OVOL3: variants seen among roughly 807,000 people sequenced by gnomAD.
OVOL3 encodes the protein ovo like zinc finger 3, also known as putative transcription factor ovo-like protein 3.
OVOL3 carries 15 observed loss-of-function variants against 13.6 expected under a neutral mutation model. The observed-to-expected ratio is 1.11, with a 90% CI of 0.74 to 1.70. The LOEUF is 1.70. Ranked by LOEUF, OVOL3 falls within the 40% of genes most tolerant of loss-of-function variation. OVOL3 has a pLI of 0.00. For synonymous variants in OVOL3, 102 were observed against 108.5 expected (o/e 0.94, Z 0.37); for missense variants, 290 against 280.6 (o/e 1.03, Z -0.24).
In OVOL3 at chr19:36,112,915, G is replaced by C. The variant is rs1973858784; in HGVS notation, c.315G>C (p.Lys105Asn). Residue 105 changes from lysine (K) to asparagine (N), a missense_variant, in exon 3 of 4, where the codon AAG becomes AAC. Coordinates refer to ENST00000633214, the MANE Select transcript of OVOL3 (RefSeq NM_001302757.2). ...VRRHLCRCCG[K>N]GFHDAFDLKR... ...GCCACCTGTGCCGCTGTTGTGGCAA[G>C]GGCTTTCATGACGCCTTCGATCTCA... The C allele has an allele frequency of 6.5e-7, 1 of 1,536,278 alleles. No homozygotes were observed. Among genetic ancestry groups the C allele is most frequent in the Non-Finnish European group, 8.7e-7 (1 of 1,146,956 alleles).
At chr19:36,112,617 G>A (rs1949056379) in intron 2 of OVOL3, 143 bp from the exon 3 acceptor site, 2 of 697,044 alleles carry the variant, frequency 2.9e-6, no homozygotes, top group Non-Finnish European at 4.7e-6. Flanking sequence ...GAGAGTGACA[G>A]GCACACACAC....
At chr19:36,111,561 C>T (rs951802745) in intron 2 of OVOL3, 128 bp downstream of exon 2, 3 of 915,914 alleles carry the variant, frequency 3.3e-6, no homozygotes, top group South Asian at 2.8e-5. Context: ...ACCTGTCCGC[C>T]CCTACTTCTC....
Position 36,111,433 on chromosome 19 carries a change from G to A in OVOL3, c.159G>A (p.Ala53=), listed in dbSNP as rs1040104859. ...QSSSVRDPWT[A]QPTQGNLTSA... ...CCAGTGTCAGGGATCCGTGGACAGC[G>A]GTGAGTGTGTAACTGGCTAGCAAAG... The change falls in exon 2 of 4, where the codon GCG becomes GCA. Residue 53 remains alanine, a splice_region_variant and synonymous_variant. Transcript: ENST00000633214. The A allele has an allele frequency of 3.4e-5, 52 of 1,535,802 alleles. No homozygotes were observed. Among genetic ancestry groups the A allele is most frequent in the Non-Finnish European group, 4.1e-5 (47 of 1,146,810 alleles).
chr19:36,111,331 G>A (rs1428751072), intron 1 of OVOL3, 35 bp downstream of exon 1: 3 of 1,535,616 alleles, frequency 2.0e-6, no homozygotes, highest in East Asian at 4.9e-5. Context: ...GTAAGGGGCA[G>A]GAGAGACGCA....
chr19:36,112,879 C>T lies in OVOL3; in HGVS notation c.279C>T (p.Ser93=). 6.5e-7 allele frequency: 1 copy of T among 1,536,164 alleles called. No individual in the cohort carries two copies. The highest frequency in any genetic ancestry group is 8.7e-7 in the Non-Finnish European group (1 of 1,146,928). ...TGACAAGGCACCTCAAGTGCCACAG[C>T]CCCGTGCGCCGCCACCTGTGCCGCT... is the stretch of plus-strand genomic sequence containing the variant. The part of the protein sequence containing the change: ...RMLTRHLKCH[S]PVRRHLCRCC... Residue 93 remains serine, a synonymous_variant, in exon 3 of 4, where the codon AGC becomes AGT. Coordinates refer to ENST00000633214, the MANE Select transcript of OVOL3 (RefSeq NM_001302757.2).
intron 3 of OVOL3, 121 bp downstream of exon 3, chr19:36,113,085 G>A: frequency 8.9e-7 from 1 of 1,127,450 alleles, no homozygotes; most frequent in Non-Finnish European, 1.2e-6. Flanking sequence ...GGAGAATCAA[G>A]ACATGATGTC....
rs1482242823 is a variant in OVOL3 at position 36,113,500 on chromosome 19, C to T, written c.412C>T (p.Arg138Cys). The change falls in exon 4 of 4, where the codon CGC (arginine) becomes TGC (cysteine). Residue 138 changes from arginine (R) to cysteine (C), a missense_variant. By Grantham distance (180) the Arg-to-Cys change is radical. Coordinates refer to ENST00000633214, the MANE Select transcript of OVOL3 (RefSeq NM_001302757.2). Reference sequence around the variant, plus strand: ...TGCTTGCGGGAAAGCGTTTACGCAGCGCTGCTCCCTGGAAGCTCACCTTGC... The same window carrying T: ...TGCTTGCGGGAAAGCGTTTACGCAGTGCTGCTCCCTGGAAGCTCACCTTGC... Reference protein sequence around the residue: ...CSACGKAFTQRCSLEAHLAKV... With the variant: ...CSACGKAFTQCCSLEAHLAKV... 2.6e-6 allele frequency: 4 copies of T among 1,536,024 alleles called. No individual in the cohort carries two copies. The highest frequency in any genetic ancestry group is 1.2e-5 in the South Asian group (1 of 84,070).
chr19:36,113,630 C>A lies in OVOL3; in HGVS notation c.542C>A (p.Ala181Glu). Residue 181 changes from alanine to glutamate, a missense_variant, in exon 4 of 4, where the codon GCA becomes GAA. By Grantham distance (107) the Ala-to-Glu change is moderately radical. Coordinates refer to ENST00000633214, the MANE Select transcript of OVOL3 (RefSeq NM_001302757.2). ...ACCAGCTCCCGGCCCGACACCTACG[C>A]ACAGCACCGCGCCCTGCACCGCGCA... ...GFTSSRPDTY[A>E]QHRALHRAA The A allele has an allele frequency of 6.5e-7, 1 of 1,546,484 alleles. No homozygotes were observed. The highest frequency in any genetic ancestry group is 8.7e-7 in the Non-Finnish European group (1 of 1,146,872).
In OVOL3 at chr19:36,113,640, C is replaced by T; in HGVS notation, c.552C>T (p.Arg184=). The change falls in exon 4 of 4, where the codon CGC becomes CGT. Residue 184 remains arginine, a synonymous_variant. Transcript: ENST00000633214. Reference sequence around the variant, plus strand: ...GGCCCGACACCTACGCACAGCACCGCGCCCTGCACCGCGCAGCCTGATACG... The same window carrying T: ...GGCCCGACACCTACGCACAGCACCGTGCCCTGCACCGCGCAGCCTGATACG... ...SSRPDTYAQH[R]ALHRAA The T allele has an allele frequency of 6.5e-7, 1 of 1,547,664 alleles. No individual in the cohort carries two copies. The highest frequency in any genetic ancestry group is 8.7e-7 in the Non-Finnish European group (1 of 1,146,542).
chr19:36,112,839 C>T lies in OVOL3; in HGVS notation c.239C>T (p.Pro80Leu). The change falls in exon 3 of 4, where the codon CCT (proline) becomes CTT (leucine). Residue 80 changes from proline to leucine, a missense_variant. Coordinates refer to ENST00000633214, the MANE Select transcript of OVOL3 (RefSeq NM_001302757.2). ...LGCPLCPKAF[P>L]LQRMLTRHLK... ...TGCCCGCTCTGCCCTAAGGCCTTCC[C>T]TCTGCAGCGCATGCTGACAAGGCAC... 1 of 1,536,044 alleles carries T rather than the reference C, an allele frequency of 6.5e-7. No individual in the cohort carries two copies. The highest frequency in any genetic ancestry group is 8.7e-7 in the Non-Finnish European group (1 of 1,146,912).
chr19:36,113,326 G>T (rs879671137), intron 3 of OVOL3, 127 bp from the exon 4 acceptor site: 4 of 982,710 alleles, frequency 4.1e-6, no homozygotes, highest in South Asian at 1.5e-5. Flanking sequence ...GGTCATGGGC[G>T]GAAGAGTCTG....
Position 36,111,349 on chromosome 19 carries a change from C to T in OVOL3, c.95-20C>T. ...AGGGGCAGGAGAGACGCAGTGTCAC[C>T]ATCTGGCTTTTCTCCTCAGACTGCA... On this transcript the variant is annotated intron_variant, in intron 1 of 3. Coordinates refer to ENST00000633214, the MANE Select transcript of OVOL3 (RefSeq NM_001302757.2). The T allele has an allele frequency of 3.9e-6, 6 of 1,535,600 alleles. No individual in the cohort carries two copies. Among genetic ancestry groups the T allele is most frequent in the Non-Finnish European group, 5.2e-6 (6 of 1,146,586 alleles).
rs1379415145 is a variant in OVOL3 at position 36,113,513 on chromosome 19, A to T, written c.425A>T (p.Glu142Val). 1 of 1,536,146 alleles carries T rather than the reference A, an allele frequency of 6.5e-7. No homozygotes were observed. Among genetic ancestry groups the T allele is most frequent in the East Asian group, 2.4e-5 (1 of 40,916 alleles). Residue 142 changes from glutamate (E) to valine (V), a missense_variant, in exon 4 of 4, where the codon GAA becomes GTA. Glu to Val is a moderately radical substitution (Grantham distance 121). Coordinates refer to ENST00000633214, the MANE Select transcript of OVOL3 (RefSeq NM_001302757.2). ...GKAFTQRCSLEAHLAKVHGQP... is the reference protein window; with the variant it reads ...GKAFTQRCSLVAHLAKVHGQP... Reference sequence around the variant, plus strand: ...GCGTTTACGCAGCGCTGCTCCCTGGAAGCTCACCTTGCTAAGGTGCATGGA... The same window carrying T: ...GCGTTTACGCAGCGCTGCTCCCTGGTAGCTCACCTTGCTAAGGTGCATGGA...
chr19:36,113,536 G>C lies in OVOL3; in HGVS notation c.448G>C (p.Gly150Arg). 1 of 1,536,344 alleles carries C rather than the reference G, an allele frequency of 6.5e-7. No homozygotes were observed. ...SLEAHLAKVH[G>R]QPASYAYRER... ...GGAAGCTCACCTTGCTAAGGTGCAT[G>C]GACAGCCGGCCAGCTACGCTTACCG... Residue 150 changes from glycine to arginine, a missense_variant, in exon 4 of 4, where the codon GGA becomes CGA. Coordinates refer to ENST00000633214, the MANE Select transcript of OVOL3 (RefSeq NM_001302757.2).
chr19:36,113,405 C>T, intron 3 of OVOL3, 48 bp from the exon 4 acceptor site: 1 of 1,503,446 alleles, frequency 6.7e-7, no homozygotes, highest in South Asian at 1.2e-5. Context: ...TAGTCCAGAG[C>T]CCATTGCCCT....
In OVOL3 at chr19:36,111,227, A is replaced by T; in HGVS notation, c.25A>T (p.Ser9Cys). MPRAFLVR[S>C]RRPQPPNWGH... is the part of the protein sequence containing the mutation. ...CATGCCCCGCGCCTTCCTGGTCAGG[A>T]GTCGGCGTCCACAGCCCCCCAACTG... Residue 9 changes from serine (S) to cysteine (C), a missense_variant, in exon 1 of 4, where the codon AGT becomes TGT. Coordinates refer to ENST00000633214, the MANE Select transcript of OVOL3 (RefSeq NM_001302757.2). The T allele has an allele frequency of 1.3e-6, 2 of 1,535,680 alleles. No individual in the cohort carries two copies. The highest frequency in any genetic ancestry group is 1.7e-6 in the Non-Finnish European group (2 of 1,146,782).
At position 36,112,816 on chromosome 19, in the gene OVOL3, C is replaced by T; in HGVS notation, c.216C>T (p.Cys72=). 1 of 1,535,524 alleles carries T rather than the reference C, an allele frequency of 6.5e-7. No individual in the cohort carries two copies. Among genetic ancestry groups the T allele is most frequent in the South Asian group, 1.2e-5 (1 of 84,036 alleles). The change falls in exon 3 of 4, where the codon TGC becomes TGT. Residue 72 remains cysteine, a synonymous_variant. Transcript: ENST00000633214. The part of the protein sequence containing the change: ...SAPRGPGTLG[C]PLCPKAFPLQ... ...CCAGGGGCCCTGGGACGCTGGGCTG[C>T]CCGCTCTGCCCTAAGGCCTTCCCTC...
chr19:36,111,410 A>G lies in OVOL3; in HGVS notation c.136A>G (p.Ser46Gly), dbSNP rs1435315339. Residue 46 changes from serine to glycine, a missense_variant, in exon 2 of 4, where the codon AGT becomes GGT. By Grantham distance (56) the Ser-to-Gly change is moderately conservative. Transcript: ENST00000633214. ...GGGGCCACCGGCACAACAGTCGTCC[A>G]GTGTCAGGGATCCGTGGACAGCGGT... ...LGGPPAQQSS[S>G]VRDPWTAQPT... 5 of 1,535,926 alleles carry G rather than the reference A, an allele frequency of 3.3e-6. No homozygotes were observed. Among genetic ancestry groups the G allele is most frequent in the African/African-American group, 2.7e-5 (2 of 73,034 alleles).
chr19:36,111,188 A>G lies in OVOL3; in HGVS notation c.-15A>G. ...GTGGAAGCAGCCCCTGTGTGTGGAGAGCCTTCCGGAGGGCATGCCCCGCGC... is the reference window on the plus strand; with the variant it reads ...GTGGAAGCAGCCCCTGTGTGTGGAGGGCCTTCCGGAGGGCATGCCCCGCGC... On this transcript the variant is annotated 5_prime_UTR_variant, in exon 1 of 4. Coordinates refer to ENST00000633214, the MANE Select transcript of OVOL3 (RefSeq NM_001302757.2). 1.3e-6 allele frequency: 2 copies of G among 1,524,470 alleles called. No homozygotes were observed. The highest frequency in any genetic ancestry group is 2.2e-4 in the Middle Eastern group (1 of 4,648). 94.4% of individuals were successfully genotyped at this position (1,524,470 alleles called of 1,614,324 possible).
Sources: gnomAD v4.1 joint callset for allele counts on GRCh38, gnomAD v4.1.1 for gene constraint, MANE v1.5 for transcripts, NCBI Gene and HGNC (gene_info 2026-07-23, HGNC 2026-07-21) for gene names.